ITPR1: variants seen among roughly 807,000 people sequenced by gnomAD.
The protein encoded by ITPR1 is inositol 1,4,5-trisphosphate-gated calcium channel ITPR1.
ITPR1 carries 96 observed loss-of-function variants against 318.4 expected under a neutral mutation model. The ratio of observed to expected loss-of-function variants is 0.30; its 90% CI spans 0.26 to 0.36. ITPR1 has a LOEUF of 0.36. ITPR1 is among the 10% of genes least tolerant of loss of function. ITPR1 has a pLI of 1.00. For synonymous variants in ITPR1, 1,312 were observed against 1,289.9 expected (o/e 1.02, Z -0.37); for missense variants, 2,440 against 3,460.2 (o/e 0.71, Z 7.40).
chr3:4,629,179 C>T (rs1289956744), intron 5 of ITPR1, among the ~76,000 whole-genome samples: 2 of 152,114 alleles, frequency 1.3e-5, no homozygotes, highest in African/African-American at 4.8e-5. Context: ...ACATTCTGGC[C>T]GTATGAGCTT....
chr3:4,823,906 C>T (rs540639529), intron 60 of ITPR1, among the ~76,000 whole-genome samples: 27 of 152,264 alleles, frequency 1.8e-4, no homozygotes, highest in Admixed American at 3.3e-4. Flanking sequence ...GACATGTCTT[C>T]TGCTAATTAT....
chr3:4,744,294 G>A (rs995361147), intron 44 of ITPR1, among the ~76,000 whole-genome samples: 3 of 152,210 alleles, frequency 2.0e-5, no homozygotes, highest in African/African-American at 4.8e-5. Flanking sequence ...TCCTCAACAG[G>A]TCCAGATATT....
intron 60 of ITPR1, among the ~76,000 whole-genome samples, chr3:4,825,050 C>T (rs958395253): frequency 3.9e-5 from 6 of 152,164 alleles, no homozygotes; most frequent in African/African-American, 1.4e-4. Flanking sequence ...GCTTCCACAC[C>T]CAGGTGACTC....
chr3:4,725,619 C>T (rs773781984), intron 41 of ITPR1, 38 bp downstream of exon 41: 80 of 1,559,258 alleles, frequency 5.1e-5, no homozygotes, highest in African/African-American at 6.7e-5. Flanking sequence ...CCAGCGCCAG[C>T]AAATATGGAT....
intron 50 of ITPR1, among the ~76,000 whole-genome samples, chr3:4,783,347 G>A (rs982536747): frequency 5.9e-5 from 9 of 151,924 alleles, no homozygotes; most frequent in African/African-American, 1.5e-4. Context: ...TTCCTGTCCC[G>A]TCCACCTCTT....
At chr3:4,758,667 C>T (rs2045204104) in intron 44 of ITPR1, among the ~76,000 whole-genome samples, 1 of 152,216 alleles carries the variant, frequency 6.6e-6, no homozygotes, top group Admixed American at 6.5e-5. Flanking sequence ...ACTGTGACCT[C>T]TTGCACCTAA....
At position 4,630,841 on chromosome 3, in the gene ITPR1, C is replaced by G. The variant is rs1313884146; in HGVS notation, c.279+2963C>G. Reference sequence around the variant, plus strand: ...GACCTCAAGTGATCCACTGCCTCGGCCTCCCAAAGTGCTGGGATTATAGGG... The same window carrying G: ...GACCTCAAGTGATCCACTGCCTCGGGCTCCCAAAGTGCTGGGATTATAGGG... On this transcript the variant is annotated intron_variant, in intron 5 of 61. Coordinates refer to ENST00000649015, the MANE Select transcript of ITPR1 (RefSeq NM_001378452.1). Among the ~76,000 whole-genome samples the G allele has an allele frequency of 2.6e-5, 4 of 152,222 alleles. No individual in the cohort carries two copies. In the East Asian group the frequency reaches 7.7e-4, roughly 29 times the overall value.
chr3:4,669,694 A>C lies in ITPR1; in HGVS notation c.1927A>C (p.Lys643Gln). The C allele has an allele frequency of 6.2e-7, 1 of 1,613,352 alleles. No individual in the cohort carries two copies. The highest frequency in any genetic ancestry group is 8.5e-7 in the Non-Finnish European group (1 of 1,179,448). The change falls in exon 19 of 62, where the codon AAA (lysine) becomes CAA (glutamine). Residue 643 changes from lysine (K) to glutamine (Q), a missense_variant. Coordinates refer to ENST00000649015, the MANE Select transcript of ITPR1 (RefSeq NM_001378452.1). ...CTCCGACCTCTGTGTCTCCATGAAC[A>C]AATCAATTCCAGTGACCCAGGAACT... ...YLSDLCVSMN[K>Q]SIPVTQELIC... is the part of the protein sequence containing the mutation.
At chr3:4,729,732 G>A (rs770815125) in intron 42 of ITPR1, among the ~76,000 whole-genome samples, 2 of 152,184 alleles carry the variant, frequency 1.3e-5, no homozygotes, top group Non-Finnish European at 2.9e-5. Flanking sequence ...TTGTTTTAAT[G>A]TGACACTTAT....
At position 4,809,856 on chromosome 3, in the gene ITPR1, G is replaced by C. The variant is rs537661516; in HGVS notation, c.7273-1409G>C. Reference sequence around the variant, plus strand: ...CTTGCCACTTTATATTGAGCTGCTGGAAAACATTTAACCAACATTAACAGC... The same window carrying C: ...CTTGCCACTTTATATTGAGCTGCTGCAAAACATTTAACCAACATTAACAGC... On this transcript the variant is annotated intron_variant, in intron 55 of 61. Coordinates refer to ENST00000649015, the MANE Select transcript of ITPR1 (RefSeq NM_001378452.1). 3.1e-3 allele frequency among the ~76,000 whole-genome samples: 467 copies of C among 152,232 alleles called. 1 individual carries two copies. The highest frequency in any genetic ancestry group is 0.02 in the Middle Eastern group (6 of 294).
At chr3:4,687,698 C>G (rs2094417836) in intron 30 of ITPR1, among the ~76,000 whole-genome samples, 1 of 152,174 alleles carries the variant, frequency 6.6e-6, no homozygotes, top group African/African-American at 2.4e-5. Flanking sequence ...ATAGAATTGG[C>G]TTATTACGGA....
intron 32 of ITPR1, among the ~76,000 whole-genome samples, chr3:4,692,454 T>G (rs1162733339): frequency 6.6e-6 from 1 of 152,216 alleles, no homozygotes; most frequent in Non-Finnish European, 1.5e-5. Flanking sequence ...TTTGTCCTGG[T>G]TTCACAGATG....
At position 4,727,183 on chromosome 3, in the gene ITPR1, C is replaced by T. The variant is rs775622702; in HGVS notation, c.5220+10C>T. On this transcript the variant is annotated intron_variant, in intron 42 of 61. Transcript: ENST00000649015. Reference sequence around the variant, plus strand: ...GGAAGACCATAAAAGGGTACGTAGTCTTGAGTCTTGGGTATCGGGAGCTAA... The same window carrying T: ...GGAAGACCATAAAAGGGTACGTAGTTTTGAGTCTTGGGTATCGGGAGCTAA... 6 of 1,583,870 alleles carry T rather than the reference C, an allele frequency of 3.8e-6. No homozygotes were observed. The highest frequency in any genetic ancestry group is 5.1e-6 in the Non-Finnish European group (6 of 1,169,632).
intron 44 of ITPR1, among the ~76,000 whole-genome samples, chr3:4,746,017 T>A (rs2044081426): frequency 6.6e-6 from 1 of 152,260 alleles, no homozygotes; most frequent in Non-Finnish European, 1.5e-5. Context: ...TAGTTGGCAC[T>A]GTGAATTCAG....
chr3:4,740,474 C>T (rs1481254149), intron 44 of ITPR1, among the ~76,000 whole-genome samples: 1 of 152,256 alleles, frequency 6.6e-6, no homozygotes, highest in East Asian at 1.9e-4. Context: ...TTATGGGAAT[C>T]CACAAATAAT....
chr3:4,735,765 C>T, intron 44 of ITPR1: 1 of 166,382 alleles, frequency 6.0e-6, no homozygotes, highest in Non-Finnish European at 1.3e-5. Flanking sequence ...GAAGATTTAA[C>T]TTTTATGTAT....
In ITPR1 at chr3:4,693,543, C is replaced by T. The variant is rs763239856; in HGVS notation, c.4083C>T (p.Phe1361=). 1 of 1,613,822 alleles carries T rather than the reference C, an allele frequency of 6.2e-7. No individual in the cohort carries two copies. Among genetic ancestry groups the T allele is most frequent in the African/African-American group, 1.3e-5 (1 of 74,914 alleles). ...VLVFYNDRAS[F]QTLIQMMRSE... The stretch of plus-strand genomic sequence containing the variant: ...TGTTCTACAACGACAGAGCCTCTTT[C>T]CAGACTCTGATCCAGATGATGCGGT... Residue 1361 remains phenylalanine, a synonymous_variant, in exon 33 of 62, where the codon TTC becomes TTT. Transcript: ENST00000649015.
chr3:4,600,320 G>C (rs1296473785), intron 4 of ITPR1, among the ~76,000 whole-genome samples: 2 of 152,098 alleles, frequency 1.3e-5, no homozygotes, highest in Admixed American at 1.3e-4. Flanking sequence ...ATTAGAACTG[G>C]TGTTGAGGAT....
chr3:4,607,951 C>G (rs1446984094), intron 4 of ITPR1, among the ~76,000 whole-genome samples: 1 of 152,136 alleles, frequency 6.6e-6, no homozygotes, highest in South Asian at 2.1e-4. Context: ...AGAATTCAGG[C>G]TCGTCCATCT....
Sources: gnomAD v4.1 joint callset for allele counts (sites outside exome capture counted in the v4.1 genomes callset) on GRCh38, gnomAD v4.1.1 for gene constraint, MANE v1.5 for transcripts, NCBI Gene and HGNC (gene_info 2026-07-23, HGNC 2026-07-21) for gene names.